The following RAPGEF5 variants were observed in gnomAD, a reference collection of about 807,000 sequenced individuals.
RAPGEF5 encodes the protein Rap guanine nucleotide exchange factor 5, also known as M-Ras-regulated GEF.
A neutral mutation model predicts 125.2 loss-of-function variants in RAPGEF5; 65 were observed. The ratio of observed to expected loss-of-function variants is 0.52; its 90% confidence interval spans 0.43 to 0.64. The LOEUF is 0.64. RAPGEF5 is among the 30% of genes least tolerant of loss of function. The probability of loss-of-function intolerance (pLI) is 0.00; values close to 1 mark genes in which losing one functional copy is unlikely to be tolerated. For missense variants in RAPGEF5, 958 were observed against 1,048.1 expected, an observed-to-expected ratio of 0.91 and a Z score of 1.19; for synonymous variants, 391 against 385.9, an observed-to-expected ratio of 1.01 and a Z score of -0.16.
chr7:22,258,858 T>C (rs981823088), intron 7 of RAPGEF5, among the ~76,000 whole-genome samples: 1 of 151,748 alleles, frequency 6.6e-6, no homozygotes, highest in Non-Finnish European at 1.5e-5. Flanking sequence ...CCCTTGAAAA[T>C]GAACTCAAAA....
At chr7:22,203,969 T>A (rs1392205599) in intron 9 of RAPGEF5, among the ~76,000 whole-genome samples, 1 of 152,220 alleles carries the variant, frequency 6.6e-6, no homozygotes, top group East Asian at 1.9e-4. Context: ...CCCGAATCAC[T>A]GCTTTTCACT....
intron 13 of RAPGEF5, among the ~76,000 whole-genome samples, chr7:22,161,715 T>A (rs1784007134): frequency 6.6e-6 from 1 of 152,240 alleles, no homozygotes; most frequent in Non-Finnish European, 1.5e-5. Context: ...GAATGTTGAA[T>A]TCAAAGTAGT....
At chr7:22,143,329 A>T (rs145140948) in intron 20 of RAPGEF5, among the ~76,000 whole-genome samples, 1 of 152,154 alleles carries the variant, frequency 6.6e-6, no homozygotes, top group Non-Finnish European at 1.5e-5. Flanking sequence ...AAGAAAAATT[A>T]TCCTACTCTT....
chr7:22,180,437 C>G (rs1784639515), intron 11 of RAPGEF5, among the ~76,000 whole-genome samples: 1 of 152,194 alleles, frequency 6.6e-6, no homozygotes. Context: ...CTCTTCATGA[C>G]TTTCTTCATC....
chr7:22,277,966 TG>T, intron 6 of RAPGEF5, among the ~76,000 whole-genome samples: 1 of 152,198 alleles, frequency 6.6e-6, no homozygotes, highest in Non-Finnish European at 1.5e-5. Context: ...TATTCATGTT[TG>T]GGGGACCATT....
At chr7:22,164,112 T>C (rs999478599) in intron 12 of RAPGEF5, among the ~76,000 whole-genome samples, 17 of 152,150 alleles carry the variant, frequency 1.1e-4, no homozygotes, top group African/African-American at 2.9e-4. Context: ...GGCAGGAGGA[T>C]TGCTTGAGCC....
chr7:22,277,324 T>C (rs1308015186), intron 6 of RAPGEF5, among the ~76,000 whole-genome samples: 1 of 152,250 alleles, frequency 6.6e-6, no homozygotes, highest in African/African-American at 2.4e-5. Context: ...CAGGAGATTA[T>C]GGGTTCAAAT....
chr7:22,331,968 T>A (rs1490997228), intron 1 of RAPGEF5, among the ~76,000 whole-genome samples: 1 of 152,000 alleles, frequency 6.6e-6, no homozygotes, highest in African/African-American at 2.4e-5. Flanking sequence ...AATTCTAGGG[T>A]AAAAACATTA....
At chr7:22,161,279 G>T (rs968866843) in intron 13 of RAPGEF5, among the ~76,000 whole-genome samples, 1 of 151,976 alleles carries the variant, frequency 6.6e-6, no homozygotes, top group African/African-American at 2.4e-5. Flanking sequence ...GGTGGCTCAG[G>T]CTGTAAATCC....
At chr7:22,329,363 A>G (rs952142974) in intron 1 of RAPGEF5, among the ~76,000 whole-genome samples, 2 of 152,178 alleles carry the variant, frequency 1.3e-5, no homozygotes, top group Non-Finnish European at 2.9e-5. Flanking sequence ...CCAAAAGTAG[A>G]TAACTAGGGA....
In RAPGEF5 at chr7:22,320,842, G is replaced by C. The variant is rs966848920; in HGVS notation, c.232-2805C>G. On this transcript the variant is annotated intron_variant, in intron 1 of 25. Coordinates refer to ENST00000665637, the MANE Select transcript of RAPGEF5 (RefSeq NM_012294.5). ...TTTGCCAGAAGGCATAGGATCTAAA[G>C]AACCTATTAAGCCCATGAATTCTTT... Among the ~76,000 whole-genome samples the C allele has an allele frequency of 2.3e-4, 35 of 152,114 alleles. 1 individual carries two copies. Among genetic ancestry groups the C allele is most frequent in the African/African-American group, 8.0e-4 (33 of 41,414 alleles).
At chr7:22,125,895 C>T (rs1260870965) in intron 24 of RAPGEF5, among the ~76,000 whole-genome samples, 2 of 152,196 alleles carry the variant, frequency 1.3e-5, no homozygotes, top group Non-Finnish European at 2.9e-5. Flanking sequence ...CACCTGTAAT[C>T]CCAGCACTTT....
At chr7:22,234,606 G>A (rs1274787208) in intron 7 of RAPGEF5, among the ~76,000 whole-genome samples, 1 of 152,172 alleles carries the variant, frequency 6.6e-6, no homozygotes, top group Non-Finnish European at 1.5e-5. Context: ...GTGCCCACAG[G>A]AGAACTAAGC....
At chr7:22,220,055 G>A (rs747472350) in intron 8 of RAPGEF5, 64 bp from the exon 9 acceptor site, 18 of 1,554,572 alleles carry the variant, frequency 1.2e-5, no homozygotes, top group Middle Eastern at 1.7e-4. Flanking sequence ...TGACACCACC[G>A]CAAAGTTCAC....
intron 21 of RAPGEF5, among the ~76,000 whole-genome samples, chr7:22,137,805 A>G (rs1219220874): frequency 6.6e-6 from 1 of 152,198 alleles, no homozygotes; most frequent in African/African-American, 2.4e-5. Flanking sequence ...TACTTAACAA[A>G]TGCCAGCTAT....
chr7:22,210,547 CCTCCAAGCCA>C (rs1785486665), intron 9 of RAPGEF5, among the ~76,000 whole-genome samples: 1 of 152,160 alleles, frequency 6.6e-6, no homozygotes, highest in Non-Finnish European at 1.5e-5. Context: ...TGAATCCATA[CCTCCAAGCCA>C]CTTTCTGACA....
chr7:22,337,356 A>C (rs1784046405), intron 1 of RAPGEF5, among the ~76,000 whole-genome samples: 1 of 152,086 alleles, frequency 6.6e-6, no homozygotes, highest in African/African-American at 2.4e-5. Flanking sequence ...AGAAATGCAA[A>C]AGTTTTAAAA....
chr7:22,197,765 T>G (rs1785180770), intron 9 of RAPGEF5, among the ~76,000 whole-genome samples: 1 of 152,200 alleles, frequency 6.6e-6, no homozygotes, highest in Non-Finnish European at 1.5e-5. Context: ...TAGCCAGGTC[T>G]TGACATTTCA....
In RAPGEF5 at chr7:22,251,013, C is replaced by T. The variant is rs533730930; in HGVS notation, c.796+15951G>A. ...TTTTGGTAGAAGCCCATGTTTTCCA[C>T]AGAATTTCATAACTCTATAAGAATA... On this transcript the variant is annotated intron_variant, in intron 7 of 25. Coordinates refer to ENST00000665637, the MANE Select transcript of RAPGEF5 (RefSeq NM_012294.5). Among the ~76,000 whole-genome samples the T allele has an allele frequency of 5.9e-5, 9 of 152,258 alleles. No individual in the cohort carries two copies. In the South Asian group the frequency reaches 1.0e-3, roughly 18 times the overall value.
Sources: gnomAD v4.1 joint callset for allele counts (sites outside exome capture counted in the v4.1 genomes callset) on GRCh38, gnomAD v4.1.1 for gene constraint, MANE v1.5 for transcripts, NCBI Gene and HGNC (gene_info 2026-07-23, HGNC 2026-07-21) for gene names.